SPEGNB: variants seen among roughly 807,000 people sequenced by gnomAD.
The protein encoded by SPEGNB is SPEG neighbor.
A neutral mutation model predicts 18.3 loss-of-function variants in SPEGNB; 12 were observed. The ratio of observed to expected loss-of-function variants is 0.65; its 90% CI spans 0.42 to 1.06. SPEGNB has a LOEUF of 1.06. SPEGNB is among the 50% of genes least tolerant of loss of function. SPEGNB has a pLI of 0.00. For synonymous variants in SPEGNB, 113 were observed against 138.8 expected, an observed-to-expected ratio of 0.81 and a Z score of 1.31; for missense variants, 273 against 329.3, an observed-to-expected ratio of 0.83 and a Z score of 1.32.
Position 219,498,197 on chromosome 2 carries a change from C to T in SPEGNB, c.*8C>T, listed in dbSNP as rs1399516918. ...CGCGTCGACGTGGCCTGAACGGCAC[C>T]CCCGGACCTTCCGCCCTGGCGCCGA... On this transcript the variant is annotated 3_prime_UTR_variant, in exon 5 of 5. Coordinates refer to ENST00000651166, the MANE Select transcript of SPEGNB (RefSeq NM_001286811.2). 1.5e-6 allele frequency: 2 copies of T among 1,298,928 alleles called. No individual in the cohort carries two copies. Among genetic ancestry groups the T allele is most frequent in the East Asian group, 5.6e-5 (1 of 17,992 alleles). The allele number at this position is 1,298,928 out of a possible 1,614,324, so 80.5% of individuals were successfully genotyped here.
In SPEGNB at chr2:219,496,141, A is replaced by T. The variant is rs1371436983; in HGVS notation, c.-77A>T. Among the ~76,000 whole-genome samples, 3 of 152,094 alleles carry T rather than the reference A, an allele frequency of 2.0e-5. No individual in the cohort carries two copies. Among genetic ancestry groups the T allele is most frequent in the African/African-American group, 4.8e-5 (2 of 41,446 alleles). On this transcript the variant is annotated 5_prime_UTR_variant, in exon 1 of 5. Transcript: ENST00000651166. ...GGGCTGAGCACCTGCCTGCACCCCT[A>T]CTGTGCCATCCAGAAGGGCTCTGTG... is the stretch of plus-strand genomic sequence containing the variant.
At position 219,497,857 on chromosome 2, in the gene SPEGNB, G is replaced by A. The variant is rs1350518743; in HGVS notation, c.574G>A (p.Asp192Asn). 8 of 1,303,970 alleles carry A rather than the reference G, an allele frequency of 6.1e-6. No individual in the cohort carries two copies. Among genetic ancestry groups the A allele is most frequent in the South Asian group, 3.7e-5 (3 of 81,020 alleles). 80.8% of individuals were successfully genotyped at this position (1,303,970 alleles called of 1,614,324 possible). The change falls in exon 4 of 5, where the codon GAC becomes AAC. Residue 192 changes from aspartate to asparagine, a missense_variant. Coordinates refer to ENST00000651166, the MANE Select transcript of SPEGNB (RefSeq NM_001286811.2). Reference sequence around the variant, plus strand: ...GGACGGGGAGGACATCGAGGAGGATGACAGGCGAGGGCCGGGACCTGCGGC... The same window carrying A: ...GGACGGGGAGGACATCGAGGAGGATAACAGGCGAGGGCCGGGACCTGCGGC... ...TKDGEDIEED[D>N]RVFFEIGSTT... is the part of the protein sequence containing the mutation.
intron 1 of SPEGNB, 40 bp from the exon 2 acceptor site, chr2:219,496,315 G>A: frequency 8.5e-7 from 1 of 1,182,680 alleles, no homozygotes; most frequent in Non-Finnish European, 1.1e-6. Flanking sequence ...GGGAGCCTCT[G>A]TCTCAACCTG....
At position 219,496,872 on chromosome 2, in the gene SPEGNB, G is replaced by C. The variant is rs1465025236; in HGVS notation, c.192G>C (p.Val64=). 7.8e-7 allele frequency: 1 copy of C among 1,289,234 alleles called. No individual in the cohort carries two copies. Among genetic ancestry groups the C allele is most frequent in the Admixed American group, 2.3e-5 (1 of 43,120 alleles). 79.9% of individuals were successfully genotyped at this position (1,289,234 alleles called of 1,614,324 possible). Residue 64 remains valine (V), a synonymous_variant, in exon 3 of 5, where the codon GTG becomes GTC. Transcript: ENST00000651166. ...PRVLEPLKDV[V]LIEGSAAKLT... ...TGCTGGAGCCGCTGAAGGACGTGGT[G>C]CTGATCGAAGGCAGCGCGGCCAAGC...
intron 3 of SPEGNB, among the ~76,000 whole-genome samples, chr2:219,497,420 A>C (rs116036988): frequency 0.015 from 2,252 of 152,088 alleles, 63 homozygotes; most frequent in African/African-American, 0.052. Flanking sequence ...CTGGCTCCCA[A>C]CTCTGGCAAT....
At chr2:219,497,138 C>A in intron 3 of SPEGNB, 22 bp downstream of exon 3, 1 of 1,187,610 alleles carries the variant, frequency 8.4e-7, no homozygotes, top group Non-Finnish European at 1.1e-6. Flanking sequence ...CCGGGCGCAG[C>A]GCCAGGGCGC....
chr2:219,497,083 C>T lies in SPEGNB; in HGVS notation c.403C>T (p.Gln135Ter), dbSNP rs1694241359. 4.7e-5 allele frequency: 58 copies of T among 1,229,604 alleles called. No homozygotes were observed. Among genetic ancestry groups the T allele is most frequent in the Non-Finnish European group, 6.1e-5 (58 of 945,600 alleles). The allele number at this position is 1,229,604 out of a possible 1,614,324, so 76.2% of individuals were successfully genotyped here. The change falls in exon 3 of 5, where the codon CAG becomes TAG. Residue 135 changes from glutamine to a stop codon, truncating the protein, a stop_gained. Transcript: ENST00000651166. LOFTEE classifies it high-confidence loss of function. ...YSINVTNPFG[Q>*]CSDSARILVE... The stretch of plus-strand genomic sequence containing the variant: ...CATCAACGTCACCAACCCCTTCGGC[C>T]AGTGCTCCGACTCGGCGCGCATCCT...
At chr2:219,496,260 C>A in intron 1 of SPEGNB, 43 bp downstream of exon 1, 1 of 1,069,756 alleles carries the variant, frequency 9.3e-7, no homozygotes. Context: ...CCCCATTCCT[C>A]CATCTCCCTG....
In SPEGNB at chr2:219,497,539, A is replaced by T. The variant is rs1694253408; in HGVS notation, c.437-181A>T. On this transcript the variant is annotated intron_variant, in intron 3 of 4. Coordinates refer to ENST00000651166, the MANE Select transcript of SPEGNB (RefSeq NM_001286811.2). ...TCTATTCGACCCCGAGAAGTAGGAG[A>T]GGCAGGGATAAGTCCCTTTAACAGC... 6.1e-6 allele frequency: 4 copies of T among 652,678 alleles called. No individual in the cohort carries two copies. The South Asian group carries it at 7.9e-5, about 13-fold the overall frequency. 40.4% of individuals were successfully genotyped at this position (652,678 alleles called of 1,614,324 possible).
Position 219,497,845 on chromosome 2 carries a change from A to C in SPEGNB, c.562A>C (p.Ile188Leu), listed in dbSNP as rs1694260875. 1 of 1,304,032 alleles carries C rather than the reference A, an allele frequency of 7.7e-7. No homozygotes were observed. Among genetic ancestry groups the C allele is most frequent in the African/African-American group, 1.5e-5 (1 of 65,836 alleles). 80.8% of individuals were successfully genotyped at this position (1,304,032 alleles called of 1,614,324 possible). A position where few individuals can be genotyped will look rare whatever the true frequency, so the allele number is the denominator to read the frequency against. ...DVGWTKDGEDIEEDDRVFFEI... is the reference protein window; with the variant it reads ...DVGWTKDGEDLEEDDRVFFEI... ...AGGCTGGACCAAGGACGGGGAGGAC[A>C]TCGAGGAGGATGACAGGCGAGGGCC... Residue 188 changes from isoleucine (I) to leucine (L), a missense_variant, in exon 4 of 5, where the codon ATC becomes CTC. Ile to Leu is a conservative substitution (Grantham distance 5). Transcript: ENST00000651166.
intron 2 of SPEGNB, 49 bp downstream of exon 2, chr2:219,496,531 G>T (rs1363597371): frequency 1.7e-6 from 2 of 1,194,890 alleles, no homozygotes; most frequent in South Asian, 3.0e-5. Flanking sequence ...TGCAGAGAGC[G>T]CACTCTTGAG....
In SPEGNB at chr2:219,498,227, G is replaced by C; in HGVS notation, c.*38G>C. 6.2e-6 allele frequency: 8 copies of C among 1,287,508 alleles called. No homozygotes were observed. The highest frequency in any genetic ancestry group is 8.2e-6 in the Non-Finnish European group (8 of 980,708). 79.8% of individuals were successfully genotyped at this position (1,287,508 alleles called of 1,614,324 possible). Reference sequence around the variant, plus strand: ...GACCTTCCGCCCTGGCGCCGAGCCCGGGGGTGGTGGGACCCACAGCCCTCC... The same window carrying C: ...GACCTTCCGCCCTGGCGCCGAGCCCCGGGGTGGTGGGACCCACAGCCCTCC... On this transcript the variant is annotated 3_prime_UTR_variant, in exon 5 of 5. Coordinates refer to ENST00000651166, the MANE Select transcript of SPEGNB (RefSeq NM_001286811.2).
Position 219,498,187 on chromosome 2 carries a change from T to G in SPEGNB, c.715T>G (p.Ter239GlyextTer31), listed in dbSNP as rs772147782. ...GAGCTTCGCTCGCGTCGACGTGGCC[T>G]GAACGGCACCCCCGGACCTTCCGCC... is the stretch of plus-strand genomic sequence containing the variant. Reference protein sequence around the residue: ...DQSFARVDVA* With the variant: ...DQSFARVDVAG Residue 239 changes from the stop codon to glycine, a stop_lost, in exon 5 of 5, where the codon TGA becomes GGA. Transcript: ENST00000651166. 1 of 1,303,024 alleles carries G rather than the reference T, an allele frequency of 7.7e-7. No individual in the cohort carries two copies. The highest frequency in any genetic ancestry group is 1.2e-5 in the South Asian group (1 of 80,876). The allele number at this position is 1,303,024 out of a possible 1,614,324, so 80.7% of individuals were successfully genotyped here. A position where few individuals can be genotyped will look rare whatever the true frequency, so the allele number is the denominator to read the frequency against.
Position 219,496,470 on chromosome 2 carries a change from AC to A in SPEGNB, c.118del (p.Arg40GlyfsTer21). The A allele has an allele frequency of 3.2e-6, 4 of 1,265,000 alleles. No homozygotes were observed. The highest frequency in any genetic ancestry group is 4.2e-6 in the Non-Finnish European group (4 of 960,846). The allele number at this position is 1,265,000 out of a possible 1,614,324, so 78.4% of individuals were successfully genotyped here. ...GCGGCCATTCGTATCCAGGCCTCTT[AC>A]CGGGGCCACAGGTGAGAGGGAACCC... is the stretch of plus-strand genomic sequence containing the variant. ...QSAAIRIQAS[Y>X]RGHRSRKELR... On this transcript the variant is annotated frameshift_variant, in exon 2 of 5. Coordinates refer to ENST00000651166, the MANE Select transcript of SPEGNB (RefSeq NM_001286811.2). LOFTEE classifies it high-confidence loss of function.
In SPEGNB at chr2:219,498,055, T is replaced by C. The variant is rs189064712; in HGVS notation, c.583T>C (p.Phe195Leu). The C allele has an allele frequency of 7.7e-7, 1 of 1,302,206 alleles. No homozygotes were observed. The highest frequency in any genetic ancestry group is 1.0e-6 in the Non-Finnish European group (1 of 987,864). 80.7% of individuals were successfully genotyped at this position (1,302,206 alleles called of 1,614,324 possible). A position where few individuals can be genotyped will look rare whatever the true frequency, so the allele number is the denominator to read the frequency against. The change falls in exon 5 of 5, where the codon TTC (phenylalanine) becomes CTC (leucine). Residue 195 changes from phenylalanine (F) to leucine (L), a missense_variant. Transcript: ENST00000651166. ...GEDIEEDDRV[F>L]FEIGSTTTTL... ...CTCCCCGCCGCCCTTCCGCAGGGTG[T>C]TCTTCGAGATCGGCAGCACCACCAC...
intron 4 of SPEGNB, 89 bp downstream of exon 4, chr2:219,497,950 C>A: frequency 7.8e-7 from 1 of 1,279,186 alleles, no homozygotes; most frequent in Non-Finnish European, 1.0e-6. Flanking sequence ...GTGACGGGGG[C>A]GGGGACTGGG....
Position 219,498,280 on chromosome 2 carries a change from T to G in SPEGNB, c.*91T>G. 8.5e-7 allele frequency: 1 copy of G among 1,179,360 alleles called. No homozygotes were observed. Among genetic ancestry groups the G allele is most frequent in the Non-Finnish European group, 1.1e-6 (1 of 908,618 alleles). 73.1% of individuals were successfully genotyped at this position (1,179,360 alleles called of 1,614,324 possible). On this transcript the variant is annotated 3_prime_UTR_variant, in exon 5 of 5. Coordinates refer to ENST00000651166, the MANE Select transcript of SPEGNB (RefSeq NM_001286811.2). ...CAGCTTGCTTAATAAAGCTGCTCTCTGACCCTCCGCGTCTGTCCTGCTCTT... is the reference window on the plus strand; with the variant it reads ...CAGCTTGCTTAATAAAGCTGCTCTCGGACCCTCCGCGTCTGTCCTGCTCTT...
chr2:219,497,074 C>A lies in SPEGNB; in HGVS notation c.394C>A (p.Pro132Thr). 1 of 1,237,528 alleles carries A rather than the reference C, an allele frequency of 8.1e-7. No homozygotes were observed. Among genetic ancestry groups the A allele is most frequent in the South Asian group, 1.4e-5 (1 of 73,058 alleles). The allele number at this position is 1,237,528 out of a possible 1,614,324, so 76.7% of individuals were successfully genotyped here. The change falls in exon 3 of 5, where the codon CCC (proline) becomes ACC (threonine). Residue 132 changes from proline to threonine, a missense_variant. Transcript: ENST00000651166. ...LGQYSINVTN[P>T]FGQCSDSARI... is the part of the protein sequence containing the mutation. ...CCAGTACAGCATCAACGTCACCAAC[C>A]CCTTCGGCCAGTGCTCCGACTCGGC...
intron 2 of SPEGNB, 146 bp from the exon 3 acceptor site, chr2:219,496,663 G>A (rs981357755): frequency 1.0e-6 from 1 of 964,816 alleles, no homozygotes; most frequent in Admixed American, 3.7e-5. Flanking sequence ...CAGGGCAGCA[G>A]TTCAGGAGCA....
Sources: allele counts gnomAD v4.1 joint callset (sites outside exome capture counted in the v4.1 genomes callset), GRCh38; gene constraint gnomAD v4.1.1; transcripts MANE v1.5; gene names NCBI Gene and HGNC (gene_info 2026-07-23, HGNC 2026-07-21).